CPXM2: variants seen among roughly 807,000 people sequenced by gnomAD.
The protein encoded by CPXM2 is inactive carboxypeptidase-like protein X2.
Under a neutral mutation model 86.1 loss-of-function variants are expected in CPXM2, and 66 were observed. The ratio of observed to expected loss-of-function variants is 0.77; its 90% CI spans 0.63 to 0.94. The LOEUF (loss-of-function observed/expected upper bound fraction) is 0.94, where lower values mean the gene tolerates loss of function less well. Among genes scored for constraint, CPXM2 ranks in the 40% least tolerant of loss-of-function variants. The pLI is 0.00. For synonymous variants in CPXM2, 388 were observed against 400.2 expected (o/e 0.97, Z 0.36); for missense variants, 948 against 1,026.3 (o/e 0.92, Z 1.04).
At chr10:123,913,618 C>A (rs1945508394) in intron 2 of CPXM2, 3 of 168,922 alleles carry the variant, frequency 1.8e-5, no homozygotes, top group South Asian at 1.4e-4. Flanking sequence ...GAAATCAGGG[C>A]AAGTGAGATA....
rs1590107279 is a variant in CPXM2 at position 123,891,708 on chromosome 10, C to T, written c.-49G>A. 8.6e-6 allele frequency: 11 copies of T among 1,284,150 alleles called. No homozygotes were observed. The highest frequency in any genetic ancestry group is 9.9e-6 in the Non-Finnish European group (10 of 1,009,616). 79.5% of individuals were successfully genotyped at this position (1,284,150 alleles called of 1,614,324 possible). A position where few individuals can be genotyped will look rare whatever the true frequency, so the allele number is the denominator to read the frequency against. ...GCAGGGTCACGGTCACCGGGGGCGCCGGGCGGGCTGCGGGCGCAGAAGCTG... is the reference window on the plus strand; with the variant it reads ...GCAGGGTCACGGTCACCGGGGGCGCTGGGCGGGCTGCGGGCGCAGAAGCTG... On this transcript the variant is annotated 5_prime_UTR_variant, in exon 1 of 14. Transcript: ENST00000241305. This position sits in a 1 kb window ranked among gnomAD's most constrained non-coding sequence, Gnocchi z 5.6.
intron 2 of CPXM2, among the ~76,000 whole-genome samples, chr10:123,917,134 G>C (rs1235331775): frequency 6.6e-6 from 1 of 152,144 alleles, no homozygotes; most frequent in African/African-American, 2.4e-5. Flanking sequence ...AAAAGGGAGA[G>C]AGTAGGAGAT....
In CPXM2 at chr10:123,891,697, A is replaced by AC. The variant is rs113759343; in HGVS notation, c.-39dup. 8.1e-3 allele frequency: 10,612 copies of AC among 1,305,400 alleles called. 625 individuals are homozygous for AC. The African/African-American group carries it at 0.14, about 17-fold the overall frequency. The allele number at this position is 1,305,400 out of a possible 1,614,324, so 80.9% of individuals were successfully genotyped here. A position where few individuals can be genotyped will look rare whatever the true frequency, so the allele number is the denominator to read the frequency against. On this transcript the variant is annotated 5_prime_UTR_variant, in exon 1 of 14. Transcript: ENST00000241305. The surrounding 1 kb of genome is among the most constrained non-coding windows in gnomAD (Gnocchi z 5.6). ...CCGCGCCCAGGGCAGGGTCACGGTC[A>AC]CCGGGGGCGCCGGGCGGGCTGCGGG...
At position 123,842,403 on chromosome 10, in the gene CPXM2, C is replaced by T. The variant is rs1406441755; in HGVS notation, c.599G>A (p.Arg200Gln). 68 of 1,614,112 alleles carry T rather than the reference C, an allele frequency of 4.2e-5. No individual in the cohort carries two copies. Among genetic ancestry groups the T allele is most frequent in the Non-Finnish European group, 5.2e-5 (61 of 1,180,054 alleles). ...DLQQWIEVDARRLTRFTGVIT... is the reference protein window; with the variant it reads ...DLQQWIEVDAQRLTRFTGVIT... ...GACACCAGTGAATCTGGTCAGGCGC[C>T]GAGCATCCACTTCAATCCACTGCTG... Residue 200 changes from arginine to glutamine, a missense_variant, in exon 4 of 14, where the codon CGG becomes CAG. Physicochemically the swap from Arg to Gln is conservative, Grantham distance 43. Coordinates refer to ENST00000241305, the MANE Select transcript of CPXM2 (RefSeq NM_198148.3).
chr10:123,782,691 T>C (rs780210987), intron 6 of CPXM2, among the ~76,000 whole-genome samples: 16 of 152,214 alleles, frequency 1.1e-4, no homozygotes, highest in Non-Finnish European at 1.9e-4. Flanking sequence ...CTAAGCCTGC[T>C]ATCCCCTGCT....
chr10:123,767,144 C>A lies in CPXM2; in HGVS notation c.1308G>T (p.Glu436Asp), dbSNP rs751135616. The A allele has an allele frequency of 1.2e-6, 2 of 1,614,052 alleles. No individual in the cohort carries two copies. The highest frequency in any genetic ancestry group is 1.7e-6 in the Non-Finnish European group (2 of 1,179,970). The change falls in exon 10 of 14, where the codon GAG becomes GAT. Residue 436 changes from glutamate (E) to aspartate (D), a missense_variant. Coordinates refer to ENST00000241305, the MANE Select transcript of CPXM2 (RefSeq NM_198148.3). ...AGCGTCCCAGGGACCAGCCTCCCAG[C>A]TCCGAGCCCTGGAGACAAGTGAGAG... is the stretch of plus-strand genomic sequence containing the variant. ...GYEKAYEGGS[E>D]LGGWSLGRWT...
chr10:123,929,434 G>A (rs575690528), intron 2 of CPXM2, among the ~76,000 whole-genome samples: 1 of 152,330 alleles, frequency 6.6e-6, no homozygotes, highest in African/African-American at 2.4e-5. Flanking sequence ...TCCAGTCTTT[G>A]ACAAAAGTGA....
upstream of CPXM2, among the ~76,000 whole-genome samples, chr10:123,892,925 G>A (rs1267392473): frequency 1.3e-5 from 2 of 152,206 alleles, no homozygotes; most frequent in African/African-American, 2.4e-5. Context: ...GCATCTCAGA[G>A]CCAGAGCTGG....
chr10:123,880,302 G>A lies in CPXM2; in HGVS notation c.312C>T (p.His104=), dbSNP rs1451587071. The A allele has an allele frequency of 6.7e-7, 1 of 1,489,506 alleles. No individual in the cohort carries two copies. The allele number at this position is 1,489,506 out of a possible 1,614,324, so 92.3% of individuals were successfully genotyped here. A position where few individuals can be genotyped will look rare whatever the true frequency, so the allele number is the denominator to read the frequency against. The part of the protein sequence containing the change: ...SAPEPPPPGK[H]SNKKVMRTKS... ...TGGTTCTCATAACTTTTTTGTTGCT[G>A]TGTTTACCTAAAGGGGGAGAGAGAG... is the stretch of plus-strand genomic sequence containing the variant. Residue 104 remains histidine (H), a synonymous_variant, in exon 2 of 14, where the codon CAC becomes CAT. Coordinates refer to ENST00000241305, the MANE Select transcript of CPXM2 (RefSeq NM_198148.3).
Position 123,891,552 on chromosome 10 carries a change from G to C in CPXM2, c.108C>G (p.Tyr36Ter). The change falls in exon 1 of 14, where the codon TAC becomes TAG. Residue 36 changes from tyrosine to a stop codon, truncating the protein, a stop_gained. Coordinates refer to ENST00000241305, the MANE Select transcript of CPXM2 (RefSeq NM_198148.3). LOFTEE classifies it high-confidence loss of function. This position sits in a 1 kb window ranked among gnomAD's most constrained non-coding sequence, Gnocchi z 5.6. ...GCTCCCGGCTCCAGATCTCCTGCCC[G>C]TAATAATCAGGGTCCTCGAGGGCTG... ...QGAALEDPDY[Y>*]GQEIWSREPY... 1.3e-6 allele frequency: 2 copies of C among 1,547,934 alleles called. No homozygotes were observed. The highest frequency in any genetic ancestry group is 8.7e-7 in the Non-Finnish European group (1 of 1,145,426).
At chr10:123,914,079 G>C (rs1945514576) in intron 2 of CPXM2, 1 of 480,716 alleles carries the variant, frequency 2.1e-6, no homozygotes, top group Non-Finnish European at 4.2e-6. Context: ...CTTTGGCATG[G>C]AGCATGCAAT....
chr10:123,904,674 CGT>C (rs1324203334), intron 2 of CPXM2, among the ~76,000 whole-genome samples: 1 of 152,156 alleles, frequency 6.6e-6, no homozygotes, highest in African/African-American at 2.4e-5. Context: ...CTGGTCTGAA[CGT>C]GTGTCTCCAA....
chr10:123,893,894 C>A (rs1183866908), upstream of CPXM2, among the ~76,000 whole-genome samples: 4 of 152,228 alleles, frequency 2.6e-5, no homozygotes, highest in Non-Finnish European at 5.9e-5. Flanking sequence ...AGGACGGTGC[C>A]CTGCACCACC....
At chr10:123,928,220 C>T (rs932265921) in intron 2 of CPXM2, among the ~76,000 whole-genome samples, 3 of 152,310 alleles carry the variant, frequency 2.0e-5, no homozygotes, top group East Asian at 1.9e-4. Flanking sequence ...AAAGATTGTC[C>T]GTGGACACCT....
chr10:123,768,581 C>T lies in CPXM2; in HGVS notation c.1244G>A (p.Arg415Gln), dbSNP rs139425659. ...GTTGAGGGAGGGGAGGACGTGAATC[C>T]GCGTCTCCTCCACCAGGTGGACGAT... ...ARIVHLVEETRIHVLPSLNPD... is the reference protein window; with the variant it reads ...ARIVHLVEETQIHVLPSLNPD... The change falls in exon 9 of 14, where the codon CGG becomes CAG. Residue 415 changes from arginine (R) to glutamine (Q), a missense_variant. Coordinates refer to ENST00000241305, the MANE Select transcript of CPXM2 (RefSeq NM_198148.3). 2.1e-4 allele frequency: 331 copies of T among 1,613,886 alleles called. No homozygotes were observed. The highest frequency in any genetic ancestry group is 2.7e-4 in the Non-Finnish European group (317 of 1,179,908).
Position 123,754,815 on chromosome 10 carries a change from A to G in CPXM2, c.1918-53T>C. On this transcript the variant is annotated intron_variant, in intron 12 of 13. Coordinates refer to ENST00000241305, the MANE Select transcript of CPXM2 (RefSeq NM_198148.3). The surrounding 1 kb of genome is among the most constrained non-coding windows in gnomAD (Gnocchi z 4.0). ...GAGGTCACCGACCAGCTCTGGACAC[A>G]ACCGGCACAACAGAGTGGGCTGTCA... The G allele has an allele frequency of 3.0e-6, 3 of 994,578 alleles. No homozygotes were observed. Among genetic ancestry groups the G allele is most frequent in the Non-Finnish European group, 4.9e-6 (3 of 616,266 alleles). The allele number at this position is 994,578 out of a possible 1,614,324, so 61.6% of individuals were successfully genotyped here.
At chr10:123,851,808 A>G (rs1015714039) in intron 3 of CPXM2, among the ~76,000 whole-genome samples, 1 of 151,082 alleles carries the variant, frequency 6.6e-6, no homozygotes, top group Non-Finnish European at 1.5e-5. Flanking sequence ...AGATGCACTT[A>G]GTTAAGATGC....
chr10:123,816,991 CAG>C (rs35605911), intron 4 of CPXM2, among the ~76,000 whole-genome samples: 33,186 of 152,070 alleles, frequency 0.22, 4,174 homozygotes, highest in East Asian at 0.42. Flanking sequence ...ACTTCTACCT[CAG>C]AAAAATTTCT....
At chr10:123,820,393 G>A (rs1214842390) in intron 4 of CPXM2, among the ~76,000 whole-genome samples, 1 of 152,138 alleles carries the variant, frequency 6.6e-6, no homozygotes, top group Non-Finnish European at 1.5e-5. Flanking sequence ...TCCAGAGGAA[G>A]AGCTTGAGCT....
Sources: gnomAD v4.1 joint callset for allele counts (sites outside exome capture counted in the v4.1 genomes callset) on GRCh38, gnomAD v4.1.1 for gene constraint, Gnocchi (gnomAD v3.1) non-coding constraint, MANE v1.5 for transcripts, NCBI Gene and HGNC (gene_info 2026-07-23, HGNC 2026-07-21) for gene names.